The following COG6 variants were observed in gnomAD, a reference collection of about 807,000 sequenced individuals.
COG6 encodes the protein conserved oligomeric Golgi complex subunit 6.
COG6 carries 74 observed loss-of-function variants against 88.8 expected under a neutral mutation model. That is an observed-to-expected ratio of 0.83 (90% confidence interval 0.69 to 1.01). The LOEUF (loss-of-function observed/expected upper bound fraction) is 1.01. COG6 is among the 50% of genes least tolerant of loss of function. The pLI is 0.00. For missense variants in COG6, 800 were observed against 797.9 expected, an observed-to-expected ratio of 1.00 and a Z score of -0.03; for synonymous variants, 286 against 278.7, an observed-to-expected ratio of 1.03 and a Z score of -0.26.
chr13:39,769,533 A>G (rs1359431498), intron 18 of COG6, among the ~76,000 whole-genome samples: 1 of 152,248 alleles, frequency 6.6e-6, no homozygotes, highest in Admixed American at 6.5e-5. Context: ...AACTAAAATA[A>G]TCTGTGCAAA....
chr13:39,758,289 T>G (rs897828355), intron 18 of COG6, among the ~76,000 whole-genome samples: 28 of 139,744 alleles, frequency 2.0e-4, no homozygotes, highest in African/African-American at 7.3e-4. Flanking sequence ...CAGCACTAGG[T>G]GAGAAGATTG....
intron 17 of COG6, among the ~76,000 whole-genome samples, chr13:39,724,821 G>A (rs1056279086): frequency 6.6e-6 from 1 of 151,808 alleles, no homozygotes; most frequent in Non-Finnish European, 1.5e-5. Flanking sequence ...TCTATTTTTA[G>A]AGTTTTGTTC....
In COG6 at chr13:39,686,490, A is replaced by G. The variant is rs191082901; in HGVS notation, c.789-1013A>G. On this transcript the variant is annotated intron_variant, in intron 8 of 18. Transcript: ENST00000455146. ...TTCCTTCACCTTAGAAAGCCTTTCC[A>G]TGCCTTTTCAATTATAATAGGTGAC... Among the ~76,000 whole-genome samples, 11 of 152,326 alleles carry G rather than the reference A, an allele frequency of 7.2e-5. No individual in the cohort carries two copies. In the East Asian group the frequency reaches 2.1e-3, roughly 29 times the overall value.
At chr13:39,661,971 G>T (rs1051986254) in intron 3 of COG6, among the ~76,000 whole-genome samples, 2 of 151,498 alleles carry the variant, frequency 1.3e-5, no homozygotes, top group Admixed American at 6.6e-5. Flanking sequence ...GATCTTTAGT[G>T]ATAGTATCTC....
At chr13:39,710,209 G>T (rs9315727) in intron 13 of COG6, among the ~76,000 whole-genome samples, 151,089 of 152,264 alleles carry the variant, frequency 0.99, 74,973 homozygotes, top group East Asian at 1. Context: ...GCACATCTTT[G>T]GTTAGATTTA....
chr13:39,736,370 C>T (rs781025659), intron 18 of COG6, among the ~76,000 whole-genome samples: 10 of 152,080 alleles, frequency 6.6e-5, no homozygotes, highest in Non-Finnish European at 1.5e-4. Context: ...TTGACTATTT[C>T]AAGCTCTTTG....
downstream of COG6, among the ~76,000 whole-genome samples, chr13:39,756,953 A>G (rs991526249): frequency 2.0e-5 from 3 of 152,188 alleles, no homozygotes; most frequent in African/African-American, 4.8e-5. Flanking sequence ...TAACAAGGAA[A>G]TCGAACACTC....
At chr13:39,775,975 G>A (rs1305329324) in intron 18 of COG6, among the ~76,000 whole-genome samples, 1 of 152,042 alleles carries the variant, frequency 6.6e-6, no homozygotes, top group East Asian at 1.9e-4. Flanking sequence ...CTCCATGTTG[G>A]TCAGTCTGGT....
chr13:39,731,839 A>T (rs897270773), intron 18 of COG6, among the ~76,000 whole-genome samples: 31 of 152,202 alleles, frequency 2.0e-4, no homozygotes, highest in African/African-American at 7.0e-4. Context: ...ATTAAAAAAA[A>T]ATACTACCAG....
At chr13:39,749,669 G>A (rs1880519775) in intron 18 of COG6, among the ~76,000 whole-genome samples, 1 of 152,170 alleles carries the variant, frequency 6.6e-6, no homozygotes, top group African/African-American at 2.4e-5. Flanking sequence ...TGAACATTAA[G>A]AGCATTTACA....
At chr13:39,680,948 T>C (rs967562740) in intron 7 of COG6, among the ~76,000 whole-genome samples, 2 of 152,222 alleles carry the variant, frequency 1.3e-5, no homozygotes, top group African/African-American at 4.8e-5. Context: ...AAGTCCCTTT[T>C]GCCATGTAAG....
chr13:39,697,419 A>C (rs771712552), intron 12 of COG6, among the ~76,000 whole-genome samples: 8 of 151,900 alleles, frequency 5.3e-5, no homozygotes, highest in Non-Finnish European at 1.0e-4. Flanking sequence ...TTTACCTCTC[A>C]TACATTAAAA....
At chr13:39,730,946 T>C (rs1002020803) in intron 18 of COG6, among the ~76,000 whole-genome samples, 1 of 151,678 alleles carries the variant, frequency 6.6e-6, no homozygotes, top group Non-Finnish European at 1.5e-5. Context: ...CTTAGCTTCC[T>C]GAGTAGTTGG....
Position 39,752,453 on chromosome 13 carries a change from G to A in COG6, c.*1360G>A, listed in dbSNP as rs1441661620. The A allele has an allele frequency of 9.4e-7, 1 of 1,068,272 alleles. No homozygotes were observed. The highest frequency in any genetic ancestry group is 1.7e-5 in the African/African-American group (1 of 59,954). The allele number at this position is 1,068,272 out of a possible 1,614,324, so 66.2% of individuals were successfully genotyped here. On this transcript the variant is annotated 3_prime_UTR_variant, in exon 19 of 19. Coordinates refer to ENST00000455146, the MANE Select transcript of COG6 (RefSeq NM_020751.3). Reference sequence around the variant, plus strand: ...ATTTTTAGTTTTTTCCCTTTGATTAGTATGTGTTACATATAAAGACAGAAA... The same window carrying A: ...ATTTTTAGTTTTTTCCCTTTGATTAATATGTGTTACATATAAAGACAGAAA...
At position 39,719,946 on chromosome 13, in the gene COG6, A is replaced by G. The variant is rs1293823089; in HGVS notation, c.1584+119A>G. ...TAATTCCTATAGATCCCTTGATATCATCTGATGAAAGGACACACATGCATA... is the reference window on the plus strand; with the variant it reads ...TAATTCCTATAGATCCCTTGATATCGTCTGATGAAAGGACACACATGCATA... On this transcript the variant is annotated intron_variant, in intron 15 of 18. Coordinates refer to ENST00000455146, the MANE Select transcript of COG6 (RefSeq NM_020751.3). 8.2e-6 allele frequency: 6 copies of G among 729,090 alleles called. No individual in the cohort carries two copies. In the Admixed American group the frequency reaches 1.0e-4, roughly 13 times the overall value. 45.2% of individuals were successfully genotyped at this position (729,090 alleles called of 1,614,324 possible).
At chr13:39,669,007 A>G (rs1351944099) in intron 4 of COG6, among the ~76,000 whole-genome samples, 1 of 101,270 alleles carries the variant, frequency 9.9e-6, no homozygotes, top group Non-Finnish European at 2.2e-5. Flanking sequence ...TGAATGCGCC[A>G]CCATAGTCAC....
chr13:39,785,100 T>A (rs1234277943), intron 18 of COG6, among the ~76,000 whole-genome samples: 1 of 152,214 alleles, frequency 6.6e-6, no homozygotes. Context: ...CCTTTTTGAA[T>A]GCCTGGAATT....
chr13:39,655,993 C>G, intron 1 of COG6, 114 bp downstream of exon 1: 1 of 1,302,098 alleles, frequency 7.7e-7, no homozygotes, highest in Non-Finnish European at 1.1e-6. Flanking sequence ...GCAGAGGGAC[C>G]GCGAGTGACC....
chr13:39,665,291 C>A, intron 4 of COG6, 137 bp downstream of exon 4: 1 of 615,986 alleles, frequency 1.6e-6, no homozygotes. Flanking sequence ...ATTATATTAC[C>A]CAATAGTAAC....
Sources: allele counts gnomAD v4.1 joint callset (sites outside exome capture counted in the v4.1 genomes callset), GRCh38; gene constraint gnomAD v4.1.1; transcripts MANE v1.5; gene names NCBI Gene and HGNC (gene_info 2026-07-23, HGNC 2026-07-21).